ANKS1B: variants seen among roughly 807,000 people sequenced by gnomAD.
ANKS1B encodes the protein ankyrin repeat and sterile alpha motif domain-containing protein 1B.
ANKS1B carries 36 observed loss-of-function variants against 148.3 expected under a neutral mutation model. The observed-to-expected ratio is 0.24, with a 90% CI of 0.19 to 0.32. The LOEUF is 0.32. ANKS1B is among the 10% of genes least tolerant of loss of function. The probability of loss-of-function intolerance (pLI) is 1.00; values close to 1 mark genes in which losing one functional copy is unlikely to be tolerated. For synonymous variants in ANKS1B, 542 were observed against 560.8 expected, an observed-to-expected ratio of 0.97 and a Z score of 0.47; for missense variants, 1,157 against 1,542.6, an observed-to-expected ratio of 0.75 and a Z score of 4.19.
At chr12:99,479,582 G>T (rs1476872002) in intron 10 of ANKS1B, among the ~76,000 whole-genome samples, 1 of 151,934 alleles carries the variant, frequency 6.6e-6, no homozygotes, top group Non-Finnish European at 1.5e-5. Flanking sequence ...GTGACAGTAT[G>T]GATGAACCTG....
chr12:98,748,101 T>C (rs2097944457), intron 26 of ANKS1B, among the ~76,000 whole-genome samples: 1 of 152,236 alleles, frequency 6.6e-6, no homozygotes, highest in Non-Finnish European at 1.5e-5. Context: ...AGAAGAATTG[T>C]AATTTCTCAA....
At chr12:99,649,225 C>G in intron 9 of ANKS1B, 1 of 1,250,076 alleles carries the variant, frequency 8.0e-7, no homozygotes, top group Admixed American at 1.7e-5. Flanking sequence ...TGTTGTTTAC[C>G]TATAGGAAGA....
intron 12 of ANKS1B, among the ~76,000 whole-genome samples, chr12:99,393,673 C>G (rs890442814): frequency 2.0e-5 from 3 of 152,136 alleles, no homozygotes; most frequent in Non-Finnish European, 4.4e-5. Flanking sequence ...TAATTATAAT[C>G]ATTCCTAGTT....
At chr12:99,861,836 C>T (rs983769744) in intron 1 of ANKS1B, among the ~76,000 whole-genome samples, 1 of 152,054 alleles carries the variant, frequency 6.6e-6, no homozygotes, top group African/African-American at 2.4e-5. Flanking sequence ...ATTATGTATT[C>T]CAAAGCTGTT....
intron 14 of ANKS1B, among the ~76,000 whole-genome samples, chr12:99,190,452 G>C (rs1357163843): frequency 6.6e-6 from 1 of 152,016 alleles, no homozygotes; most frequent in Non-Finnish European, 1.5e-5. Context: ...ATACTACAAG[G>C]CTATAGTAAC....
At chr12:98,989,435 T>C (rs1427603762) in intron 17 of ANKS1B, among the ~76,000 whole-genome samples, 1 of 152,238 alleles carries the variant, frequency 6.6e-6, no homozygotes, top group Non-Finnish European at 1.5e-5. Flanking sequence ...GTTAATTTAT[T>C]TCTGTGTACT....
chr12:98,812,719 A>G (rs140351612), intron 19 of ANKS1B, among the ~76,000 whole-genome samples: 3,607 of 152,166 alleles, frequency 0.024, 83 homozygotes, highest in East Asian at 0.09. Flanking sequence ...GACTACAGGC[A>G]TGTGCCACCA....
intron 15 of ANKS1B, among the ~76,000 whole-genome samples, chr12:99,087,565 A>C (rs2052356345): frequency 6.6e-6 from 1 of 152,368 alleles, no homozygotes; most frequent in South Asian, 2.1e-4. Context: ...TCATTTAGAG[A>C]AAGCGTTATT....
At chr12:99,540,787 G>C (rs1158395320) in intron 9 of ANKS1B, among the ~76,000 whole-genome samples, 2 of 150,704 alleles carry the variant, frequency 1.3e-5, no homozygotes, top group Non-Finnish European at 3.0e-5. Flanking sequence ...GAAATAATAA[G>C]AGCAAAAATA....
At chr12:99,355,732 A>G (rs1173334870) in intron 12 of ANKS1B, among the ~76,000 whole-genome samples, 1 of 152,016 alleles carries the variant, frequency 6.6e-6, no homozygotes, top group Non-Finnish European at 1.5e-5. Context: ...AATACATTAC[A>G]TTTCTTCCCT....
At chr12:98,841,711 G>T (rs902686927) in intron 17 of ANKS1B, among the ~76,000 whole-genome samples, 1 of 152,018 alleles carries the variant, frequency 6.6e-6, no homozygotes, top group Non-Finnish European at 1.5e-5. Flanking sequence ...GTATTATAAG[G>T]AAAGCAGAGG....
At chr12:98,891,441 G>T (rs1397873054) in intron 17 of ANKS1B, among the ~76,000 whole-genome samples, 1 of 151,820 alleles carries the variant, frequency 6.6e-6, no homozygotes, top group Non-Finnish European at 1.5e-5. Context: ...ATTCCATGAA[G>T]ATAGAGAAAA....
intron 1 of ANKS1B, among the ~76,000 whole-genome samples, chr12:99,893,337 G>A (rs1033637801): frequency 2.0e-5 from 3 of 150,956 alleles, no homozygotes; most frequent in African/African-American, 7.3e-5. Context: ...CATGAACCCA[G>A]GAGGCAGAGC....
chr12:99,203,364 T>G (rs1219109836), intron 14 of ANKS1B, among the ~76,000 whole-genome samples: 1 of 152,166 alleles, frequency 6.6e-6, no homozygotes. Flanking sequence ...TCTATTGAAG[T>G]CTTTCTTCTC....
At chr12:99,024,557 C>T (rs945685879) in intron 17 of ANKS1B, among the ~76,000 whole-genome samples, 2 of 152,146 alleles carry the variant, frequency 1.3e-5, no homozygotes, top group Admixed American at 6.5e-5. Context: ...ATATTTGAGC[C>T]TTATCCTCTT....
chr12:99,679,556 C>G (rs1157179644), intron 8 of ANKS1B, among the ~76,000 whole-genome samples: 1 of 152,146 alleles, frequency 6.6e-6, no homozygotes, highest in Non-Finnish European at 1.5e-5. Flanking sequence ...GTGATCCGCC[C>G]TCCTCGGCCT....
chr12:98,751,222 G>A lies in ANKS1B; in HGVS notation c.3747+133C>T. 1 of 902,290 alleles carries A rather than the reference G, an allele frequency of 1.1e-6. No homozygotes were observed. The highest frequency in any genetic ancestry group is 1.7e-5 in the African/African-American group (1 of 59,170). 55.9% of individuals were successfully genotyped at this position (902,290 alleles called of 1,614,324 possible). A position where few individuals can be genotyped will look rare whatever the true frequency, so the allele number is the denominator to read the frequency against. ...CAGAGGTGATGATGGACACATGCCA[G>A]GAGGAGGCCAAGGGAAAGGATGAAG... On this transcript the variant is annotated intron_variant, in intron 26 of 26. Transcript: ENST00000683438. The surrounding 1 kb of genome is among the most constrained non-coding windows in gnomAD (Gnocchi z 4.3).
chr12:99,054,585 C>T (rs954443544), intron 16 of ANKS1B, among the ~76,000 whole-genome samples: 12 of 152,124 alleles, frequency 7.9e-5, no homozygotes, highest in Admixed American at 2.0e-4. Flanking sequence ...ATTGCCCAGG[C>T]TGGAGTGCAG....
chr12:98,961,109 T>C (rs576970639), intron 17 of ANKS1B, among the ~76,000 whole-genome samples: 1 of 152,218 alleles, frequency 6.6e-6, no homozygotes, highest in East Asian at 1.9e-4. Flanking sequence ...AAAAAGATAA[T>C]AACAGAGAAC....
Sources: gnomAD v4.1 joint callset for allele counts (sites outside exome capture counted in the v4.1 genomes callset) on GRCh38, gnomAD v4.1.1 for gene constraint, Gnocchi (gnomAD v3.1) non-coding constraint, MANE v1.5 for transcripts, NCBI Gene and HGNC (gene_info 2026-07-23, HGNC 2026-07-21) for gene names.